The following RAB22A variants were observed in gnomAD, a reference collection of about 807,000 sequenced individuals.
The protein encoded by RAB22A is RAB22A, member RAS oncogene family.
RAB22A carries 13 observed loss-of-function variants against 30.2 expected under a neutral mutation model. That is an observed-to-expected ratio of 0.43 (90% CI 0.28 to 0.68). The LOEUF (loss-of-function observed/expected upper bound fraction) is 0.68. RAB22A is among the 30% of genes least tolerant of loss of function. The probability of loss-of-function intolerance (pLI) is 0.18; values close to 1 mark genes in which losing one functional copy is unlikely to be tolerated. For missense variants in RAB22A, 177 were observed against 246.8 expected, an observed-to-expected ratio of 0.72 and a Z score of 1.89; for synonymous variants, 89 against 87.2, an observed-to-expected ratio of 1.02 and a Z score of -0.11.
intron 2 of RAB22A, among the ~76,000 whole-genome samples, chr20:58,323,970 T>A (rs952599309): frequency 1.4e-4 from 21 of 152,090 alleles, no homozygotes; most frequent in Non-Finnish European, 1.5e-5. Flanking sequence ...TAAATACATA[T>A]CACTGGCTTT....
At chr20:58,327,798 T>C (rs987107623) in intron 2 of RAB22A, among the ~76,000 whole-genome samples, 1 of 152,220 alleles carries the variant, frequency 6.6e-6, no homozygotes, top group African/African-American at 2.4e-5. Context: ...CAAACTCACA[T>C]TGATAAACGT....
At position 58,353,494 on chromosome 20, in the gene RAB22A, T is replaced by C. The variant is rs1987085698; in HGVS notation, c.333T>C (p.Ile111=). 1.9e-6 allele frequency: 3 copies of C among 1,612,824 alleles called. No homozygotes were observed. Among genetic ancestry groups the C allele is most frequent in the Non-Finnish European group, 2.5e-6 (3 of 1,178,790 alleles). The change falls in exon 5 of 7, where the codon ATT becomes ATC. Residue 111 remains isoleucine (I), a synonymous_variant. Transcript: ENST00000244040. ...KELRQHGPPN[I]VVAIAGNKCD... ...TTCGACAGCATGGCCCACCTAATAT[T>C]GTAGTTGCCATTGCAGGAAATAAAT...
At chr20:58,311,189 T>TA in intron 2 of RAB22A, 67 bp downstream of exon 2, 1 of 1,390,658 alleles carries the variant, frequency 7.2e-7, no homozygotes. Context: ...CATAGTGTGT[T>TA]ACAGGTGTAG....
intron 3 of RAB22A, among the ~76,000 whole-genome samples, chr20:58,351,903 G>A (rs1987056706): frequency 6.6e-6 from 1 of 152,226 alleles, no homozygotes; most frequent in Non-Finnish European, 1.5e-5. Context: ...GGCAAAGGTT[G>A]TCAAAAATCA....
chr20:58,309,875 G>C lies in RAB22A; in HGVS notation c.-102G>C. The C allele has an allele frequency of 8.7e-7, 1 of 1,146,632 alleles. No individual in the cohort carries two copies. Among genetic ancestry groups the C allele is most frequent in the Middle Eastern group, 2.9e-4 (1 of 3,476 alleles). The allele number at this position is 1,146,632 out of a possible 1,614,324, so 71.0% of individuals were successfully genotyped here. The stretch of plus-strand genomic sequence containing the variant: ...GCCGCCTCTGCGCGGACCGGGGCTG[G>C]GCCGTGCGGCGGCAGCGGCGCCAGG... On this transcript the variant is annotated 5_prime_UTR_variant, in exon 1 of 7. Transcript: ENST00000244040.
chr20:58,356,401 A>T (rs1455115306), intron 6 of RAB22A, among the ~76,000 whole-genome samples: 2 of 152,224 alleles, frequency 1.3e-5, no homozygotes, highest in African/African-American at 4.8e-5. Context: ...TTTAACTGTG[A>T]AAAACAAAAC....
In RAB22A at chr20:58,359,726, T is replaced by C. The variant is rs1253295832; in HGVS notation, c.*23T>C. On this transcript the variant is annotated 3_prime_UTR_variant, in exon 7 of 7. Coordinates refer to ENST00000244040, the MANE Select transcript of RAB22A (RefSeq NM_020673.3). ...TGACCGAACCTCAGCCTCTCAGACT[T>C]GATGATGAAGTAGGTGGTCCTGAAA... is the stretch of plus-strand genomic sequence containing the variant. The C allele has an allele frequency of 1.9e-6, 3 of 1,571,700 alleles. No homozygotes were observed. Among genetic ancestry groups the C allele is most frequent in the Non-Finnish European group, 2.6e-6 (3 of 1,142,854 alleles).
intron 5 of RAB22A, 149 bp downstream of exon 5, chr20:58,353,687 T>C (rs1987089090): frequency 1.4e-6 from 1 of 712,900 alleles, no homozygotes; most frequent in South Asian, 2.0e-5. Context: ...ATTTTTAAAC[T>C]AAAATTAAGA....
Position 58,311,083 on chromosome 20 carries a change from T to C in RAB22A, c.77T>C (p.Val26Ala). The change falls in exon 2 of 7, where the codon GTG (valine) becomes GCG (alanine). Residue 26 changes from valine (V) to alanine (A), a missense_variant. By Grantham distance (64) the Val-to-Ala change is moderately conservative. Transcript: ENST00000244040. The part of the protein sequence containing the change: ...VGKSSIVWRF[V>A]EDSFDPNINP... ...AAATCGAGTATTGTGTGGCGGTTTG[T>C]GGAAGACAGTTTTGATCCAAACATC... The C allele has an allele frequency of 6.2e-7, 1 of 1,606,414 alleles. No individual in the cohort carries two copies. Among genetic ancestry groups the C allele is most frequent in the Non-Finnish European group, 8.5e-7 (1 of 1,172,986 alleles).
chr20:58,349,613 A>G lies in RAB22A; in HGVS notation c.199-3660A>G, dbSNP rs527563386. On this transcript the variant is annotated intron_variant, in intron 3 of 6. Coordinates refer to ENST00000244040, the MANE Select transcript of RAB22A (RefSeq NM_020673.3). ...GGCTAGACTTCAAAGTTTGAATCCA[A>G]TCCTGCTGTGTTACAGGGGATCACT... Among the ~76,000 whole-genome samples the G allele has an allele frequency of 9.2e-5, 14 of 152,348 alleles. 1 individual carries two copies. In the South Asian group the frequency reaches 1.9e-3, roughly 20 times the overall value.
At chr20:58,313,823 T>C (rs1986279355) in intron 2 of RAB22A, among the ~76,000 whole-genome samples, 1 of 152,152 alleles carries the variant, frequency 6.6e-6, no homozygotes, top group Non-Finnish European at 1.5e-5. Context: ...ACTGAAACAG[T>C]CACACCCAAT....
chr20:58,357,898 G>C (rs1291402349), intron 6 of RAB22A, among the ~76,000 whole-genome samples: 3 of 152,186 alleles, frequency 2.0e-5, no homozygotes, highest in African/African-American at 7.2e-5. Context: ...AATGTCAAAA[G>C]GTGTACATGT....
At chr20:58,328,954 G>A (rs1056434560) in intron 2 of RAB22A, among the ~76,000 whole-genome samples, 1 of 152,058 alleles carries the variant, frequency 6.6e-6, no homozygotes, top group Admixed American at 6.5e-5. Flanking sequence ...GACATTTACC[G>A]ATGGTCTAAA....
chr20:58,337,829 A>T (rs1464701599), intron 2 of RAB22A, among the ~76,000 whole-genome samples: 2 of 152,154 alleles, frequency 1.3e-5, no homozygotes, highest in Admixed American at 1.3e-4. Context: ...TGAAGAATAA[A>T]ACCCAGCCTG....
intron 5 of RAB22A, among the ~76,000 whole-genome samples, chr20:58,353,758 A>G (rs1987090854): frequency 6.6e-6 from 1 of 152,216 alleles, no homozygotes; most frequent in Non-Finnish European, 1.5e-5. Context: ...TTACGGAAAT[A>G]CTGGTTGCGT....
chr20:58,313,298 G>A (rs1166556275), intron 2 of RAB22A, among the ~76,000 whole-genome samples: 1 of 152,080 alleles, frequency 6.6e-6, no homozygotes, highest in African/African-American at 2.4e-5. Context: ...TAGCATACAA[G>A]GCTTTCTCCT....
chr20:58,359,794 G>A lies in RAB22A; in HGVS notation c.*91G>A. On this transcript the variant is annotated 3_prime_UTR_variant, in exon 7 of 7. Transcript: ENST00000244040. Reference sequence around the variant, plus strand: ...GGTCCCTGCCACCAGTTTTCACCTAGCCAGTCTTGAGTCTTCTCCGTGCAA... The same window carrying A: ...GGTCCCTGCCACCAGTTTTCACCTAACCAGTCTTGAGTCTTCTCCGTGCAA... The A allele has an allele frequency of 2.5e-6, 3 of 1,182,210 alleles. No homozygotes were observed. Among genetic ancestry groups the A allele is most frequent in the Non-Finnish European group, 3.6e-6 (3 of 823,160 alleles). The allele number at this position is 1,182,210 out of a possible 1,614,324, so 73.2% of individuals were successfully genotyped here.
chr20:58,322,799 A>G (rs1444020833), intron 2 of RAB22A, among the ~76,000 whole-genome samples: 2 of 150,254 alleles, frequency 1.3e-5, no homozygotes, highest in Non-Finnish European at 2.9e-5. Context: ...TTTTTTTTGC[A>G]TTAAATGACC....
intron 2 of RAB22A, among the ~76,000 whole-genome samples, chr20:58,318,366 C>G (rs11697272): frequency 6.6e-6 from 1 of 152,190 alleles, no homozygotes; most frequent in East Asian, 1.9e-4. Context: ...CAAATTTTTT[C>G]GTAACATGCA....
Sources: allele counts gnomAD v4.1 joint callset (sites outside exome capture counted in the v4.1 genomes callset), GRCh38; gene constraint gnomAD v4.1.1; transcripts MANE v1.5; gene names NCBI Gene and HGNC (gene_info 2026-07-23, HGNC 2026-07-21).